NWD2: variants seen among roughly 807,000 people sequenced by gnomAD.
The protein encoded by NWD2 is NACHT and WD repeat domain containing 2.
In NWD2, 37 loss-of-function variants were observed where a neutral mutation model predicts 132.7. The ratio of observed to expected loss-of-function variants is 0.28; its 90% CI spans 0.21 to 0.37. NWD2 has a LOEUF of 0.37. NWD2 is among the 10% of genes least tolerant of loss of function. NWD2 has a pLI of 1.00. For missense variants in NWD2, 1,592 were observed against 2,122.4 expected (o/e 0.75, Z 4.91); for synonymous variants, 705 against 803.0 (o/e 0.88, Z 2.06).
In NWD2 at chr4:37,447,114, C is replaced by T; in HGVS notation, c.5126C>T (p.Thr1709Ile). The T allele has an allele frequency of 1.3e-6, 2 of 1,551,514 alleles. No individual in the cohort carries two copies. Among genetic ancestry groups the T allele is most frequent in the South Asian group, 1.2e-5 (1 of 84,064 alleles). ...RDSPITVSDSTESNEATPSKK... is the reference protein window; with the variant it reads ...RDSPITVSDSIESNEATPSKK... The stretch of plus-strand genomic sequence containing the variant: ...AGCCCCATCACAGTTAGTGACTCTA[C>T]TGAGTCCAATGAAGCAACACCCTCC... The change falls in exon 7 of 7, where the codon ACT becomes ATT. Residue 1709 changes from threonine to isoleucine, a missense_variant. Coordinates refer to ENST00000309447, the MANE Select transcript of NWD2 (RefSeq NM_001144990.2).
At chr4:37,274,114 A>G (rs1717936699) in intron 1 of NWD2, among the ~76,000 whole-genome samples, 1 of 152,044 alleles carries the variant, frequency 6.6e-6, no homozygotes, top group Non-Finnish European at 1.5e-5. Flanking sequence ...GACACAAAAA[A>G]CCCTTCAAAA....
At chr4:37,320,372 T>C (rs1719044007) in intron 1 of NWD2, among the ~76,000 whole-genome samples, 1 of 152,238 alleles carries the variant, frequency 6.6e-6, no homozygotes, top group Admixed American at 6.5e-5. Flanking sequence ...GACCACCAGA[T>C]GCCAGCAAGG....
rs1451518555 is a variant in NWD2 at position 37,444,342 on chromosome 4, G to A, written c.2354G>A (p.Cys785Tyr). 4.5e-6 allele frequency: 7 copies of A among 1,551,940 alleles called. No homozygotes were observed. Among genetic ancestry groups the A allele is most frequent in the Non-Finnish European group, 6.1e-6 (7 of 1,147,050 alleles). ...CTTGAGGACCCCTACTTGAATGGCT[G>A]CCTTGACTTGGAGAACAGAAGTTTG... is the stretch of plus-strand genomic sequence containing the variant. Reference protein sequence around the residue: ...FCLEDPYLNGCLDLENRSLLE... With the variant: ...FCLEDPYLNGYLDLENRSLLE... The change falls in exon 7 of 7, where the codon TGC (cysteine) becomes TAC (tyrosine). Residue 785 changes from cysteine (C) to tyrosine (Y), a missense_variant. By Grantham distance (194) the Cys-to-Tyr change is radical (BLOSUM62 -2). This residue lies in a region of NWD2 where 1,071 missense variants were observed against 1,398.0 expected (regional missense o/e 0.77). Coordinates refer to ENST00000309447, the MANE Select transcript of NWD2 (RefSeq NM_001144990.2). The surrounding 1 kb of genome is among the most constrained non-coding windows in gnomAD (Gnocchi z 4.8).
In NWD2 at chr4:37,448,362, A is replaced by G. The variant is rs1712699586; in HGVS notation, c.*1145A>G. On this transcript the variant is annotated 3_prime_UTR_variant, in exon 7 of 7. Transcript: ENST00000309447. ...TGTTTGTAATCACTTTCTTACTTCT[A>G]CACACCATCTGTATGCTTCTTTATC... The G allele has an allele frequency of 6.6e-6, 1 of 152,196 alleles. No individual in the cohort carries two copies. The highest frequency in any genetic ancestry group is 6.5e-5 in the Admixed American group (1 of 15,280). 9.4% of individuals were successfully genotyped at this position (152,196 alleles called of 1,614,324 possible). A position where few individuals can be genotyped will look rare whatever the true frequency, so the allele number is the denominator to read the frequency against.
intron 2 of NWD2, among the ~76,000 whole-genome samples, chr4:37,346,982 T>C (rs1719650314): frequency 6.6e-6 from 1 of 152,154 alleles, no homozygotes; most frequent in Admixed American, 6.5e-5. Context: ...CTCTCAGTAC[T>C]ACTTTAGCTG....
chr4:37,410,577 A>G (rs1456388515), intron 3 of NWD2, among the ~76,000 whole-genome samples: 3 of 151,778 alleles, frequency 2.0e-5, no homozygotes, highest in Non-Finnish European at 4.4e-5. Flanking sequence ...CACTGTCAGT[A>G]TTAGATCAAC....
chr4:37,282,090 C>T (rs1718140807), intron 1 of NWD2, among the ~76,000 whole-genome samples: 1 of 152,052 alleles, frequency 6.6e-6, no homozygotes, highest in Non-Finnish European at 1.5e-5. Flanking sequence ...ATGCATAGAC[C>T]TTTAGTGTTC....
intron 1 of NWD2, among the ~76,000 whole-genome samples, chr4:37,264,300 G>A (rs772572065): frequency 2.0e-5 from 3 of 152,154 alleles, no homozygotes; most frequent in Non-Finnish European, 2.9e-5. Context: ...CATTTCAGAA[G>A]AGCTTACTTT....
At position 37,266,886 on chromosome 4, in the gene NWD2, GA is replaced by G. The variant is rs1717763470; in HGVS notation, c.151+21672del. On this transcript the variant is annotated intron_variant, in intron 1 of 6. Coordinates refer to ENST00000309447, the MANE Select transcript of NWD2 (RefSeq NM_001144990.2). ...TACAGTAAAAGCGTTGAATTGGGGTGAAAATAATACTTTAACACAAAAGATA... is the reference window on the plus strand; with the variant it reads ...TACAGTAAAAGCGTTGAATTGGGGTGAAATAATACTTTAACACAAAAGATA... Among the ~76,000 whole-genome samples, 7 of 152,048 alleles carry G rather than the reference GA, an allele frequency of 4.6e-5. No individual in the cohort carries two copies. In the South Asian group the frequency reaches 1.5e-3, roughly 32 times the overall value.
intron 1 of NWD2, among the ~76,000 whole-genome samples, chr4:37,287,486 CA>C (rs1718259454): frequency 1.3e-5 from 2 of 152,182 alleles, no homozygotes; most frequent in Non-Finnish European, 2.9e-5. Context: ...GCTTGGTCCC[CA>C]AGAAGTGTTC....
intron 4 of NWD2, among the ~76,000 whole-genome samples, chr4:37,432,274 T>C (rs1376446651): frequency 6.6e-6 from 1 of 151,138 alleles, no homozygotes; most frequent in Non-Finnish European, 1.5e-5. Flanking sequence ...TCATTCCACA[T>C]GATCAGTTAG....
At chr4:37,350,001 T>C (rs576543212) in intron 2 of NWD2, among the ~76,000 whole-genome samples, 7 of 152,320 alleles carry the variant, frequency 4.6e-5, no homozygotes, top group African/African-American at 1.4e-4. Flanking sequence ...ATTGTAGATA[T>C]GTGGCATTAT....
chr4:37,289,419 G>A (rs1718313041), intron 1 of NWD2, among the ~76,000 whole-genome samples: 1 of 152,066 alleles, frequency 6.6e-6, no homozygotes. Flanking sequence ...CAAAATTACA[G>A]GAAAGTTGAA....
chr4:37,271,831 C>G (rs1560381719), intron 1 of NWD2, among the ~76,000 whole-genome samples: 1 of 151,708 alleles, frequency 6.6e-6, no homozygotes, highest in Non-Finnish European at 1.5e-5. Context: ...CATGTCAGTT[C>G]CTTTTATCTT....
chr4:37,366,024 A>G (rs1487642776), intron 3 of NWD2, among the ~76,000 whole-genome samples: 2 of 152,242 alleles, frequency 1.3e-5, no homozygotes, highest in East Asian at 1.9e-4. Flanking sequence ...CTGTGGAGAC[A>G]AATGTGATTA....
At position 37,445,977 on chromosome 4, in the gene NWD2, T is replaced by C; in HGVS notation, c.3989T>C (p.Ile1330Thr). 6.4e-7 allele frequency: 1 copy of C among 1,551,534 alleles called. No homozygotes were observed. ...CTGTTGTTGCCTGCTAGAGGGGAAA[T>C]CATTTACTCCCTGGATGGATCCGAT... Reference protein sequence around the residue: ...QSLLLPARGEIIYSLDGSDCV... With the variant: ...QSLLLPARGETIYSLDGSDCV... Residue 1330 changes from isoleucine to threonine, a missense_variant, in exon 7 of 7, where the codon ATC becomes ACC. Physicochemically the swap from Ile to Thr is moderately conservative, Grantham distance 89. This residue lies in a region of NWD2 where 1,071 missense variants were observed against 1,398.0 expected (regional missense o/e 0.77). Coordinates refer to ENST00000309447, the MANE Select transcript of NWD2 (RefSeq NM_001144990.2). The surrounding 1 kb of genome is among the most constrained non-coding windows in gnomAD (Gnocchi z 4.7).
chr4:37,408,886 C>T (rs1002480085), intron 3 of NWD2, among the ~76,000 whole-genome samples: 77 of 152,296 alleles, frequency 5.1e-4, no homozygotes, highest in African/African-American at 1.7e-3. Context: ...CCCAGGCAAA[C>T]GGGGTCAGGA....
intron 1 of NWD2, among the ~76,000 whole-genome samples, chr4:37,322,591 G>T (rs547633719): frequency 3.3e-5 from 5 of 152,272 alleles, no homozygotes; most frequent in Admixed American, 1.3e-4. Context: ...TTAAAGGTCC[G>T]TGAAGAGCTG....
Position 37,445,870 on chromosome 4 carries a change from C to T in NWD2, c.3882C>T (p.Thr1294=), listed in dbSNP as rs759101545. ...ACAATATGCTACTGTCTTTATCAAC[C>T]AGTGGTGTTCTTTCCATTTGGGACA... is the stretch of plus-strand genomic sequence containing the variant. The part of the protein sequence containing the change: ...SHHNMLLSLS[T]SGVLSIWDID... Residue 1294 remains threonine (T), a synonymous_variant, in exon 7 of 7, where the codon ACC becomes ACT. Coordinates refer to ENST00000309447, the MANE Select transcript of NWD2 (RefSeq NM_001144990.2). This position sits in a 1 kb window ranked among gnomAD's most constrained non-coding sequence, Gnocchi z 4.7. 12 of 1,551,920 alleles carry T rather than the reference C, an allele frequency of 7.7e-6. No individual in the cohort carries two copies. In the South Asian group the frequency reaches 1.3e-4, roughly 17 times the overall value.
Sources: allele counts gnomAD v4.1 joint callset (sites outside exome capture counted in the v4.1 genomes callset), GRCh38; gene constraint gnomAD v4.1.1; regional missense constraint gnomAD v4.1.1; non-coding constraint Gnocchi (gnomAD v3.1); transcripts MANE v1.5; gene names NCBI Gene and HGNC (gene_info 2026-07-23, HGNC 2026-07-21).